The following CTSC variants were observed in gnomAD, a reference collection of about 807,000 sequenced individuals.
CTSC encodes the protein dipeptidyl peptidase 1.
Under a neutral mutation model 40.9 loss-of-function variants are expected in CTSC, and 37 were observed. The observed-to-expected ratio is 0.91, with a 90% CI of 0.70 to 1.19. The LOEUF (loss-of-function observed/expected upper bound fraction) is 1.19. Among genes scored for constraint, CTSC ranks in the 50% most tolerant of loss-of-function variants. The pLI is 0.00. For missense variants in CTSC, 594 were observed against 567.3 expected (o/e 1.05, Z -0.48); for synonymous variants, 232 against 207.4 (o/e 1.12, Z -1.02).
At chr11:88,322,253 G>T (rs1215544188) in intron 2 of CTSC, 1 of 152,084 alleles carries the variant, frequency 6.6e-6, no homozygotes, top group African/African-American at 2.4e-5. Context: ...AGTTTAATTA[G>T]ATCTCATTTG....
intron 5 of CTSC, chr11:88,297,850 G>C (rs1386926340): frequency 6.6e-6 from 1 of 152,206 alleles, no homozygotes; most frequent in Non-Finnish European, 1.5e-5. Flanking sequence ...AATAAGAAGT[G>C]AATCTAGCCC....
intron 2 of CTSC, among the ~76,000 whole-genome samples, chr11:88,315,090 G>A (rs1047248787): frequency 6.6e-6 from 1 of 152,118 alleles, no homozygotes; most frequent in African/African-American, 2.4e-5. Flanking sequence ...TAACTTTATA[G>A]GATGCAACCT....
At chr11:88,317,237 G>T (rs1488033205) in intron 2 of CTSC, among the ~76,000 whole-genome samples, 1 of 152,164 alleles carries the variant, frequency 6.6e-6, no homozygotes, top group Non-Finnish European at 1.5e-5. Context: ...AAAGTGCTGG[G>T]ATTACAGGCA....
intron 5 of CTSC, chr11:88,299,401 G>C (rs1163065141): frequency 6.6e-6 from 1 of 152,172 alleles, no homozygotes; most frequent in Non-Finnish European, 1.5e-5. Flanking sequence ...GGTAGGGAAA[G>C]ATTTCAGGAC....
At chr11:88,301,298 G>A (rs1944358027) in intron 4 of CTSC, among the ~76,000 whole-genome samples, 1 of 152,060 alleles carries the variant, frequency 6.6e-6, no homozygotes, top group African/African-American at 2.4e-5. Context: ...ATTAACACAA[G>A]GCCTATACTG....
chr11:88,329,898 T>C lies in CTSC; in HGVS notation c.318+5039A>G, dbSNP rs139722702. The stretch of plus-strand genomic sequence containing the variant: ...TGCGCTGCTATGCCTGGCTAATTTT[T>C]GTATTTTTAGTGGAGATGAGGTTTC... On this transcript the variant is annotated intron_variant, in intron 2 of 6. Transcript: ENST00000227266. 6.7e-3 allele frequency among the ~76,000 whole-genome samples: 1,023 copies of C among 152,324 alleles called. 17 individuals carry two copies. Among genetic ancestry groups the C allele is most frequent in the African/African-American group, 0.023 (952 of 41,572 alleles).
rs1434211043 is a variant in CTSC, at chr11:88,335,079, G to A, written c.176C>T (p.Pro59Leu). Residue 59 changes from proline to leucine, a missense_variant, in exon 2 of 7, where the codon CCA becomes CTA. By Grantham distance (98) the Pro-to-Leu change is moderately conservative (BLOSUM62 -3). Coordinates refer to ENST00000227266, the MANE Select transcript of CTSC (RefSeq NM_001814.6). Reference sequence around the variant, plus strand: ...GTACACCACTACTTTTTTTTCTTGTGGTCCTAAAGAAAAAAAAAAAAAGCA... The same window carrying A: ...GTACACCACTACTTTTTTTTCTTGTAGTCCTAAAGAAAAAAAAAAAAAGCA... ...QRDVNCSVMG[P>L]QEKKVVVYLQ... The A allele has an allele frequency of 6.3e-6, 10 of 1,589,720 alleles. No individual in the cohort carries two copies. In the African/African-American group the frequency reaches 6.9e-5, roughly 11 times the overall value.
chr11:88,294,517 G>T lies in CTSC; in HGVS notation c.890-9C>A. The stretch of plus-strand genomic sequence containing the variant: ...GAAGCCGCCTTCACAGCCTGAAGAT[G>T]AATAACACACATGGTTACCCCTTAG... On this transcript the variant is annotated splice_polypyrimidine_tract_variant and intron_variant, in intron 6 of 6. Transcript: ENST00000227266. The T allele has an allele frequency of 6.2e-7, 1 of 1,613,952 alleles. No homozygotes were observed. Among genetic ancestry groups the T allele is most frequent in the African/African-American group, 1.3e-5 (1 of 75,036 alleles).
At chr11:88,332,635 T>A (rs1019546032) in intron 2 of CTSC, among the ~76,000 whole-genome samples, 1 of 152,202 alleles carries the variant, frequency 6.6e-6, no homozygotes, top group South Asian at 2.1e-4. Flanking sequence ...AAAAGAAGTA[T>A]CCTATTATAT....
chr11:88,332,383 C>T (rs912819000), intron 2 of CTSC, among the ~76,000 whole-genome samples: 1 of 152,182 alleles, frequency 6.6e-6, no homozygotes, highest in African/African-American at 2.4e-5. Context: ...AGCACGGTTT[C>T]CCCAGCTGCA....
chr11:88,336,850 T>C (rs560654866), intron 1 of CTSC, among the ~76,000 whole-genome samples: 4 of 152,358 alleles, frequency 2.6e-5, no homozygotes, highest in African/African-American at 9.6e-5. Context: ...TAGGTATTTA[T>C]TGAGAGCCTT....
chr11:88,300,493 A>G lies in CTSC; in HGVS notation c.757+37T>C, dbSNP rs217116. 0.86 allele frequency: 1,133,722 copies of G among 1,315,360 alleles called. 490,083 individuals carry two copies. The highest frequency in any genetic ancestry group is 1 in the East Asian group (43,342 of 43,438). 81.5% of individuals were successfully genotyped at this position (1,315,360 alleles called of 1,614,324 possible). A position where few individuals can be genotyped will look rare whatever the true frequency, so the allele number is the denominator to read the frequency against. ...GAGCAACTGTTCAATAAATAGTTCCAAACAAATTAACAAAAAACTTAGGCT... is the reference window on the plus strand; with the variant it reads ...GAGCAACTGTTCAATAAATAGTTCCGAACAAATTAACAAAAAACTTAGGCT... On this transcript the variant is annotated intron_variant, in intron 5 of 6. Transcript: ENST00000227266.
intron 5 of CTSC, among the ~76,000 whole-genome samples, chr11:88,300,022 C>T (rs1355484668): frequency 1.3e-5 from 2 of 152,116 alleles, no homozygotes; most frequent in Non-Finnish European, 2.9e-5. Context: ...CATCACATAT[C>T]GTATTCTAAT....
chr11:88,310,949 T>G (rs1371664811), intron 3 of CTSC, among the ~76,000 whole-genome samples: 1 of 152,220 alleles, frequency 6.6e-6, no homozygotes, highest in Non-Finnish European at 1.5e-5. Flanking sequence ...TGTGTTGACA[T>G]GTGCATTAAA....
intron 4 of CTSC, 57 bp downstream of exon 4, chr11:88,309,106 G>A: frequency 2.0e-6 from 3 of 1,495,666 alleles, no homozygotes; most frequent in Non-Finnish European, 2.8e-6. Context: ...TGCTTAGGAG[G>A]GAGGATGGTA....
intron 2 of CTSC, chr11:88,321,498 G>T (rs764103687): frequency 6.6e-6 from 1 of 151,916 alleles, no homozygotes; most frequent in Non-Finnish European, 1.5e-5. Flanking sequence ...GTGTTCTATT[G>T]TTCAGCTCCC....
intron 1 of CTSC, among the ~76,000 whole-genome samples, chr11:88,335,798 TAAAC>T (rs1450390522): frequency 6.6e-6 from 1 of 151,932 alleles, no homozygotes; most frequent in Non-Finnish European, 1.5e-5. Context: ...AAAAGATAAA[TAAAC>T]AGACTATCAG....
At chr11:88,330,365 T>TATG (rs1938316321) in intron 2 of CTSC, among the ~76,000 whole-genome samples, 1 of 152,014 alleles carries the variant, frequency 6.6e-6, no homozygotes, top group Admixed American at 6.6e-5. Context: ...TTCATTTTTT[T>TATG]ATTATTATTA....
intron 2 of CTSC, among the ~76,000 whole-genome samples, chr11:88,316,737 C>G (rs1237754469): frequency 6.6e-6 from 1 of 152,088 alleles, no homozygotes; most frequent in East Asian, 1.9e-4. Context: ...ATGTCAAGTC[C>G]TATTTCAACA....
Sources: gnomAD v4.1 joint callset for allele counts (sites outside exome capture counted in the v4.1 genomes callset) on GRCh38, gnomAD v4.1.1 for gene constraint, MANE v1.5 for transcripts, NCBI Gene and HGNC (gene_info 2026-07-23, HGNC 2026-07-21) for gene names.